Variants in PPP1R21 observed in about 807,000 individuals in gnomAD.
PPP1R21 encodes the protein KLRAQ motif containing 1.
In PPP1R21, 85 loss-of-function variants were observed where a neutral mutation model predicts 112.8. The observed-to-expected ratio is 0.75, with a 90% CI of 0.63 to 0.90. The LOEUF (loss-of-function observed/expected upper bound fraction) is 0.90, where lower values mean the gene tolerates loss of function less well. PPP1R21 is among the 40% of genes least tolerant of loss of function. The probability of loss-of-function intolerance (pLI) is 0.00; values close to 1 mark genes in which losing one functional copy is unlikely to be tolerated. For missense variants in PPP1R21, 1,199 were observed against 901.5 expected, an observed-to-expected ratio of 1.33 and a Z score of -4.23; for synonymous variants, 381 against 322.3, an observed-to-expected ratio of 1.18 and a Z score of -1.95.
rs1670808161 is a variant in PPP1R21, at chr2:48,514,956, G to C, written c.*212G>C. On this transcript the variant is annotated 3_prime_UTR_variant, in exon 22 of 22. Coordinates refer to ENST00000294952, the MANE Select transcript of PPP1R21 (RefSeq NM_001135629.3). ...ACAGAAGTTGATGTCGGCAGTAAAT[G>C]GAAAACAATACGTATGTCATGGATA... The C allele has an allele frequency of 1.8e-6, 1 of 547,306 alleles. No individual in the cohort carries two copies. The highest frequency in any genetic ancestry group is 3.2e-6 in the Non-Finnish European group (1 of 311,458). 33.9% of individuals were successfully genotyped at this position (547,306 alleles called of 1,614,324 possible). A position where few individuals can be genotyped will look rare whatever the true frequency, so the allele number is the denominator to read the frequency against.
At chr2:48,452,922 G>A (rs1667543322) in intron 2 of PPP1R21, among the ~76,000 whole-genome samples, 1 of 150,638 alleles carries the variant, frequency 6.6e-6, no homozygotes, top group African/African-American at 2.4e-5. Context: ...GTAGAGTGTA[G>A]ACACTAGCCT....
chr2:48,495,598 TA>T, intron 15 of PPP1R21, 80 bp from the exon 16 acceptor site: 1 of 752,322 alleles, frequency 1.3e-6, no homozygotes, highest in Non-Finnish European at 2.4e-6. Flanking sequence ...ACACCTCGTT[TA>T]GCATTCTTTG....
chr2:48,459,808 C>G lies in PPP1R21; in HGVS notation c.430C>G (p.Leu144Val). The part of the protein sequence containing the change: ...KHVEAELRSR[L>V]ATLETEAAQH... ...TGTGGAAGCAGAGCTGAGGAGTCGA[C>G]TGGCCACTCTGGAGACAGAAGCAGC... Residue 144 changes from leucine to valine, a missense_variant, in exon 5 of 22, where the codon CTG becomes GTG. Physicochemically the swap from Leu to Val is conservative, Grantham distance 32 (BLOSUM62 1). Coordinates refer to ENST00000294952, the MANE Select transcript of PPP1R21 (RefSeq NM_001135629.3). The G allele has an allele frequency of 6.2e-7, 1 of 1,614,116 alleles. No homozygotes were observed. Among genetic ancestry groups the G allele is most frequent in the Non-Finnish European group, 8.5e-7 (1 of 1,180,046 alleles).
intron 17 of PPP1R21, 121 bp downstream of exon 17, chr2:48,498,856 T>C: frequency 1.0e-6 from 1 of 1,003,968 alleles, no homozygotes; most frequent in Non-Finnish European, 1.5e-6. Context: ...TACCATAAGC[T>C]GAGCATCTTG....
intron 13 of PPP1R21, among the ~76,000 whole-genome samples, chr2:48,481,703 C>G (rs1388157089): frequency 6.6e-6 from 1 of 151,904 alleles, no homozygotes; most frequent in East Asian, 1.9e-4. Flanking sequence ...ATAGGGAGAC[C>G]CTGTCTCTAC....
At chr2:48,460,946 A>G (rs1558440000) in intron 6 of PPP1R21, among the ~76,000 whole-genome samples, 192 bp from the exon 7 acceptor site, 1 of 152,228 alleles carries the variant, frequency 6.6e-6, no homozygotes, top group Non-Finnish European at 1.5e-5. Flanking sequence ...ATTCTCCAGA[A>G]GTCCCTGGGA....
intron 15 of PPP1R21, among the ~76,000 whole-genome samples, chr2:48,492,450 C>G (rs1442906382): frequency 1.3e-5 from 2 of 152,120 alleles, no homozygotes. Context: ...ACGTGGAACT[C>G]ACTAGGTTCC....
rs1329775139 is a variant in PPP1R21 at position 48,496,563 on chromosome 2, G to T, written c.1692+792G>T. Among the ~76,000 whole-genome samples the T allele has an allele frequency of 3.4e-4, 52 of 151,792 alleles. 1 individual carries two copies. ...GCTTGCTGCAACCTCTGCCTCCTGG[G>T]TTCAAGCGATTGTCCTGCCTCAGCC... On this transcript the variant is annotated intron_variant, in intron 16 of 21. Transcript: ENST00000294952.
rs1013720693 is a variant in PPP1R21, at chr2:48,490,936, C to T, written c.1447-82C>T. 145 of 1,245,804 alleles carry T rather than the reference C, an allele frequency of 1.2e-4. 1 individual carries two copies. Among genetic ancestry groups the T allele is most frequent in the Non-Finnish European group, 1.5e-4 (129 of 871,940 alleles). The allele number at this position is 1,245,804 out of a possible 1,614,324, so 77.2% of individuals were successfully genotyped here. A position where few individuals can be genotyped will look rare whatever the true frequency, so the allele number is the denominator to read the frequency against. ...CATTTCCATTCTCAACATCTTTAAA[C>T]TTTGCTGCAAAAACTATTAGATATA... On this transcript the variant is annotated intron_variant, in intron 14 of 21. Coordinates refer to ENST00000294952, the MANE Select transcript of PPP1R21 (RefSeq NM_001135629.3).
At chr2:48,454,351 T>C (rs1237788182) in intron 2 of PPP1R21, among the ~76,000 whole-genome samples, 5 of 152,224 alleles carry the variant, frequency 3.3e-5, no homozygotes, top group Non-Finnish European at 5.9e-5. Context: ...CATAGGATGT[T>C]AGTTGATCAC....
intron 1 of PPP1R21, among the ~76,000 whole-genome samples, chr2:48,446,938 A>G (rs973467651): frequency 6.6e-6 from 1 of 151,916 alleles, no homozygotes; most frequent in South Asian, 2.1e-4. Flanking sequence ...TTCAGTAGAG[A>G]TGGGGTTTTG....
At chr2:48,455,937 C>T (rs553870963) in intron 3 of PPP1R21, among the ~76,000 whole-genome samples, 44 of 147,782 alleles carry the variant, frequency 3.0e-4, no homozygotes, top group African/African-American at 1.0e-3. Flanking sequence ...ATGGCGTGAA[C>T]CTGGGAGGCA....
intron 9 of PPP1R21, among the ~76,000 whole-genome samples, chr2:48,468,829 ATG>A (rs113373775): frequency 0.15 from 21,496 of 146,404 alleles, 1,706 homozygotes; most frequent in African/African-American, 0.21. Context: ...AAAAAAATGT[ATG>A]TGTGTGTGTG....
chr2:48,460,835 T>C (rs1283926307), intron 6 of PPP1R21, among the ~76,000 whole-genome samples: 5 of 152,230 alleles, frequency 3.3e-5, no homozygotes, highest in Admixed American at 2.0e-4. Flanking sequence ...ACTTTGAGCT[T>C]GGGGAAATAT....
Position 48,479,958 on chromosome 2 carries a change from C to T in PPP1R21, c.1260C>T (p.Tyr420=). Residue 420 remains tyrosine, a synonymous_variant, in exon 13 of 22, where the codon TAC becomes TAT. Coordinates refer to ENST00000294952, the MANE Select transcript of PPP1R21 (RefSeq NM_001135629.3). ...TEPDGLLRTN[Y]SSVLTNVGAA... ...CAGATGGACTCCTTCGGACAAACTA[C>T]AGTTCTGTGTTAACAAATGTTGGTG... 1 of 1,612,996 alleles carries T rather than the reference C, an allele frequency of 6.2e-7. No homozygotes were observed. The highest frequency in any genetic ancestry group is 1.3e-5 in the African/African-American group (1 of 75,026).
chr2:48,479,362 C>T (rs139687844), intron 12 of PPP1R21: 7 of 401,944 alleles, frequency 1.7e-5, no homozygotes, highest in South Asian at 7.6e-5. Context: ...GTTTAAATAC[C>T]GTAGCCTCTC....
rs112104790 is a variant in PPP1R21 at position 48,467,670 on chromosome 2, G to A, written c.897+2028G>A. 7.3e-3 allele frequency among the ~76,000 whole-genome samples: 1,113 copies of A among 152,332 alleles called. 6 individuals carry two copies. The highest frequency in any genetic ancestry group is 0.011 in the Non-Finnish European group (733 of 68,038). On this transcript the variant is annotated intron_variant, in intron 9 of 21. Coordinates refer to ENST00000294952, the MANE Select transcript of PPP1R21 (RefSeq NM_001135629.3). ...TCATAGTGAGCGATCTAAGAGCAAG[G>A]TGGAAGCCACAGTGCCTTTTGACAT... is the stretch of plus-strand genomic sequence containing the variant.
At chr2:48,465,714 TTC>T in intron 9 of PPP1R21, 72 bp downstream of exon 9, 7 of 1,378,142 alleles carry the variant, frequency 5.1e-6, no homozygotes, top group Non-Finnish European at 7.0e-6. Context: ...TTTAGACCTC[TTC>T]TGTGCACCAT....
At chr2:48,501,822 CAAAT>C (rs1338919457) in intron 17 of PPP1R21, 2 of 150,836 alleles carry the variant, frequency 1.3e-5, no homozygotes, top group Admixed American at 6.6e-5. Flanking sequence ...AAAAAAAAAA[CAAAT>C]AAACATCAGA....
Sources: allele counts gnomAD v4.1 joint callset (sites outside exome capture counted in the v4.1 genomes callset), GRCh38; gene constraint gnomAD v4.1.1; transcripts MANE v1.5; gene names NCBI Gene and HGNC (gene_info 2026-07-23, HGNC 2026-07-21).